Variants in HIVEP3 observed in about 807,000 individuals in gnomAD.
The protein encoded by HIVEP3 is HIVEP zinc finger 3, also known as transcription factor HIVEP3.
In HIVEP3, 49 loss-of-function variants were observed where a neutral mutation model predicts 152.8. The observed-to-expected ratio is 0.32, with a 90% CI of 0.26 to 0.41. The LOEUF (loss-of-function observed/expected upper bound fraction) is 0.41, where lower values mean the gene tolerates loss of function less well. HIVEP3 is among the 10% of genes least tolerant of loss of function. The pLI is 1.00. For missense variants in HIVEP3, 2,790 were observed against 3,103.3 expected, an observed-to-expected ratio of 0.90 and a Z score of 2.40; for synonymous variants, 1,269 against 1,289.0, an observed-to-expected ratio of 0.98 and a Z score of 0.33.
chr1:41,618,029 T>G (rs1311368918), intron 3 of HIVEP3, among the ~76,000 whole-genome samples: 2 of 152,180 alleles, frequency 1.3e-5, no homozygotes, highest in Admixed American at 6.5e-5. Flanking sequence ...TGCCTGCTGG[T>G]TCCTAGGAAC....
intron 1 of HIVEP3, among the ~76,000 whole-genome samples, chr1:41,908,158 T>A (rs928784411): frequency 1.3e-5 from 2 of 152,064 alleles, no homozygotes; most frequent in African/African-American, 4.8e-5. Context: ...CCATCTCTAA[T>A]CCTAACTCAC....
intron 1 of HIVEP3, among the ~76,000 whole-genome samples, chr1:41,765,963 G>A (rs147778958): frequency 1.4e-3 from 208 of 152,302 alleles, no homozygotes; most frequent in African/African-American, 4.7e-3. Context: ...CCTGGCCCAC[G>A]CTGGCTGACA....
chr1:41,790,112 A>T (rs1335648445), intron 1 of HIVEP3, among the ~76,000 whole-genome samples: 1 of 152,148 alleles, frequency 6.6e-6, no homozygotes, highest in Non-Finnish European at 1.5e-5. Context: ...GCGTGCTATG[A>T]TTTGGATGTT....
At chr1:42,029,166 A>T (rs1176365006) in intron 1 of HIVEP3, among the ~76,000 whole-genome samples, 1 of 152,212 alleles carries the variant, frequency 6.6e-6, no homozygotes, top group Non-Finnish European at 1.5e-5. Flanking sequence ...TATCACACTC[A>T]AAAGCAATGT....
chr1:41,702,739 C>T (rs1031324079), intron 1 of HIVEP3, among the ~76,000 whole-genome samples: 2 of 152,198 alleles, frequency 1.3e-5, no homozygotes, highest in South Asian at 2.1e-4. Flanking sequence ...AGCACAAGGC[C>T]GGTCTCCCAG....
chr1:41,547,913 T>C (rs1428744217), intron 5 of HIVEP3, among the ~76,000 whole-genome samples: 1 of 150,632 alleles, frequency 6.6e-6, no homozygotes, highest in Non-Finnish European at 1.5e-5. Flanking sequence ...TCCCCTCCTC[T>C]CTGGCCATCC....
At chr1:41,569,738 C>T (rs1402508575) in intron 5 of HIVEP3, among the ~76,000 whole-genome samples, 1 of 152,182 alleles carries the variant, frequency 6.6e-6, no homozygotes, top group African/African-American at 2.4e-5. Flanking sequence ...CACAGGCACA[C>T]ACACACACAC....
At chr1:41,967,118 C>T (rs1290362443) in intron 1 of HIVEP3, among the ~76,000 whole-genome samples, 1 of 152,114 alleles carries the variant, frequency 6.6e-6, no homozygotes, top group African/African-American at 2.4e-5. Flanking sequence ...ATTAACACCC[C>T]ACTGCCAATA....
intron 1 of HIVEP3, among the ~76,000 whole-genome samples, chr1:41,843,083 C>T (rs937908736): frequency 6.6e-6 from 1 of 152,178 alleles, no homozygotes; most frequent in Non-Finnish European, 1.5e-5. Flanking sequence ...CTCCGTTCCC[C>T]GTTACCAAGC....
chr1:41,860,787 A>T (rs545552362), intron 1 of HIVEP3, among the ~76,000 whole-genome samples: 1 of 152,324 alleles, frequency 6.6e-6, no homozygotes, highest in African/African-American at 2.4e-5. Flanking sequence ...GAACACTCAC[A>T]TCTCTTAAAT....
intron 1 of HIVEP3, among the ~76,000 whole-genome samples, chr1:41,985,640 G>A (rs140946337): frequency 6.6e-6 from 1 of 152,272 alleles, no homozygotes; most frequent in East Asian, 1.9e-4. Context: ...GAATTTGCAG[G>A]GACACGAAGA....
chr1:41,546,288 A>C (rs1356073860), intron 5 of HIVEP3, among the ~76,000 whole-genome samples: 1 of 152,144 alleles, frequency 6.6e-6, no homozygotes, highest in Non-Finnish European at 1.5e-5. Context: ...CGGGGGGCTC[A>C]AGTCTCCCAG....
At chr1:41,966,279 T>C (rs1297653693) in intron 1 of HIVEP3, among the ~76,000 whole-genome samples, 1 of 151,898 alleles carries the variant, frequency 6.6e-6, no homozygotes, top group Non-Finnish European at 1.5e-5. Context: ...AAAAACACAC[T>C]GAAGTACACA....
At chr1:41,512,285 T>C (rs570867918) in intron 8 of HIVEP3, among the ~76,000 whole-genome samples, 4 of 152,140 alleles carry the variant, frequency 2.6e-5, no homozygotes, top group African/African-American at 9.7e-5. Context: ...CTCCAGATAG[T>C]GATTTCTCAT....
intron 1 of HIVEP3, among the ~76,000 whole-genome samples, chr1:41,902,918 C>T (rs190097258): frequency 1.3e-5 from 2 of 152,202 alleles, no homozygotes; most frequent in African/African-American, 2.4e-5. Context: ...AGGGTGTGAA[C>T]GTAGCACAGC....
intron 1 of HIVEP3, among the ~76,000 whole-genome samples, chr1:41,742,084 T>C (rs540677451): frequency 6.6e-6 from 1 of 152,362 alleles, no homozygotes; most frequent in South Asian, 2.1e-4. Context: ...AATTGGACCC[T>C]GAATATATCC....
At chr1:41,536,806 G>A (rs1334833359) in intron 5 of HIVEP3, among the ~76,000 whole-genome samples, 2 of 152,180 alleles carry the variant, frequency 1.3e-5, no homozygotes, top group Non-Finnish European at 2.9e-5. Context: ...ACAGCCCTAT[G>A]TGATGGGGCT....
chr1:41,924,388 T>C (rs1465437143), intron 1 of HIVEP3, among the ~76,000 whole-genome samples: 3 of 152,172 alleles, frequency 2.0e-5, no homozygotes, highest in Non-Finnish European at 4.4e-5. Context: ...CATAGAAAAC[T>C]ACAACCACCA....
rs144140760 is a variant in HIVEP3 at position 41,574,029 on chromosome 1, G to A, written c.5207+1515C>T. Among the ~76,000 whole-genome samples, 1,471 of 152,250 alleles carry A rather than the reference G, an allele frequency of 9.7e-3. 25 individuals are homozygous for A. The highest frequency in any genetic ancestry group is 0.033 in the African/African-American group (1,389 of 41,544). ...GCTCCTGCCAGCTGCCTTTCTGGAG[G>A]CTCAGGCTTCCTGAGGTCTCAGAGC... On this transcript the variant is annotated intron_variant, in intron 5 of 8. Coordinates refer to ENST00000372583, the MANE Select transcript of HIVEP3 (RefSeq NM_024503.5).
Sources: allele counts gnomAD v4.1 joint callset (sites outside exome capture counted in the v4.1 genomes callset), GRCh38; gene constraint gnomAD v4.1.1; transcripts MANE v1.5; gene names NCBI Gene and HGNC (gene_info 2026-07-23, HGNC 2026-07-21).